Variants in SLC25A21 observed in about 807,000 individuals in gnomAD.
The protein encoded by SLC25A21 is solute carrier family 25 member 21.
Under a neutral mutation model 43.8 loss-of-function variants are expected in SLC25A21, and 47 were observed. The ratio of observed to expected loss-of-function variants is 1.07; its 90% confidence interval spans 0.85 to 1.37. The LOEUF is 1.37. SLC25A21 is among the 40% of genes most tolerant of loss of function. The pLI is 0.00. For synonymous variants in SLC25A21, 131 were observed against 121.3 expected (o/e 1.08, Z -0.52); for missense variants, 352 against 350.2 (o/e 1.00, Z -0.04).
At chr14:37,104,214 TGCCCTTATAACAGGG>T (rs1378184951) in intron 1 of SLC25A21, among the ~76,000 whole-genome samples, 1 of 152,200 alleles carries the variant, frequency 6.6e-6, no homozygotes, top group Non-Finnish European at 1.5e-5. Flanking sequence ...GAGGTATTAG[TGCCCTTATAACAGGG>T]GCTCAAGGGA....
At chr14:36,990,825 G>T (rs1203718664) in intron 1 of SLC25A21, among the ~76,000 whole-genome samples, 7 of 151,832 alleles carry the variant, frequency 4.6e-5, no homozygotes, top group Admixed American at 2.6e-4. Context: ...AGGTTGCAGT[G>T]AGCCATGTTT....
intron 1 of SLC25A21, among the ~76,000 whole-genome samples, chr14:36,942,680 G>T (rs1421082011): frequency 6.6e-6 from 1 of 152,118 alleles, no homozygotes; most frequent in East Asian, 1.9e-4. Flanking sequence ...AAAGACTTGT[G>T]CAATTTTCTT....
At chr14:36,989,519 GTTTAAT>G (rs1018457975) in intron 1 of SLC25A21, among the ~76,000 whole-genome samples, 4 of 149,114 alleles carry the variant, frequency 2.7e-5, no homozygotes, top group Non-Finnish European at 5.9e-5. Context: ...TTTTTTTGCT[GTTTAAT>G]TTTAACTACA....
chr14:36,818,006 C>T (rs1395080175), intron 2 of SLC25A21, among the ~76,000 whole-genome samples: 2 of 152,158 alleles, frequency 1.3e-5, no homozygotes, highest in Admixed American at 6.5e-5. Flanking sequence ...ATTTATTATA[C>T]ACTCTACTAT....
At chr14:36,710,696 C>T (rs554498987) in intron 7 of SLC25A21, among the ~76,000 whole-genome samples, 1 of 152,258 alleles carries the variant, frequency 6.6e-6, no homozygotes, top group East Asian at 1.9e-4. Flanking sequence ...TCTCAAAGTG[C>T]TGGGGTTACA....
chr14:37,045,258 G>A (rs1961563379), intron 1 of SLC25A21, among the ~76,000 whole-genome samples: 1 of 152,196 alleles, frequency 6.6e-6, no homozygotes, highest in Non-Finnish European at 1.5e-5. Context: ...AGTTTGTGGT[G>A]TAATACAGTA....
chr14:36,967,396 A>G (rs1245673126), intron 1 of SLC25A21, among the ~76,000 whole-genome samples: 3 of 152,216 alleles, frequency 2.0e-5, no homozygotes, highest in African/African-American at 4.8e-5. Context: ...TCTACTAACC[A>G]TACATGAGCA....
intron 6 of SLC25A21, among the ~76,000 whole-genome samples, chr14:36,714,258 G>C (rs1174118879): frequency 6.6e-6 from 1 of 152,216 alleles, no homozygotes; most frequent in Non-Finnish European, 1.5e-5. Context: ...GGGAGAGAAA[G>C]CTTCTTTTTT....
chr14:36,849,683 G>A (rs1594638872), intron 2 of SLC25A21, among the ~76,000 whole-genome samples: 1 of 152,084 alleles, frequency 6.6e-6, no homozygotes, highest in East Asian at 1.9e-4. Context: ...AAAGCTTGAA[G>A]CTGTGCCAAT....
chr14:36,813,420 C>T (rs712341), intron 3 of SLC25A21, among the ~76,000 whole-genome samples: 103,786 of 151,548 alleles, frequency 0.68, 36,973 homozygotes, highest in East Asian at 1. Context: ...AGTGCAGTGG[C>T]GCAATCCTAA....
At chr14:36,897,011 T>C (rs1320490051) in intron 1 of SLC25A21, among the ~76,000 whole-genome samples, 3 of 152,202 alleles carry the variant, frequency 2.0e-5, no homozygotes, top group African/African-American at 7.2e-5. Flanking sequence ...CTGACAATTA[T>C]GTGTCTTGGA....
At chr14:37,016,198 C>T (rs1175413972) in intron 1 of SLC25A21, among the ~76,000 whole-genome samples, 2 of 152,040 alleles carry the variant, frequency 1.3e-5, no homozygotes, top group Non-Finnish European at 2.9e-5. Context: ...AGTCTTTAAT[C>T]CATCTTGAAT....
chr14:37,017,445 A>G (rs1960882223), intron 1 of SLC25A21, among the ~76,000 whole-genome samples: 1 of 152,120 alleles, frequency 6.6e-6, no homozygotes, highest in African/African-American at 2.4e-5. Context: ...ACCAAATACA[A>G]TAGTAACATC....
intron 1 of SLC25A21, among the ~76,000 whole-genome samples, chr14:37,082,906 CTAAG>C (rs1231290323): frequency 6.6e-6 from 1 of 152,206 alleles, no homozygotes; most frequent in African/African-American, 2.4e-5. Flanking sequence ...GTAAAGCAAA[CTAAG>C]TAAACCTAAT....
intron 1 of SLC25A21, among the ~76,000 whole-genome samples, chr14:37,087,569 T>C (rs1400396936): frequency 6.6e-6 from 1 of 152,176 alleles, no homozygotes; most frequent in Non-Finnish European, 1.5e-5. Flanking sequence ...CATAAGTAGA[T>C]GCTATTTATT....
intron 1 of SLC25A21, among the ~76,000 whole-genome samples, chr14:37,067,562 G>A (rs1269276961): frequency 6.6e-6 from 1 of 152,084 alleles, no homozygotes; most frequent in African/African-American, 2.4e-5. Flanking sequence ...CAAGCGGAAG[G>A]AAAGTGATCC....
Position 36,683,844 on chromosome 14 carries a change from A to C in SLC25A21, c.822T>G (p.Ile274Met). ...LALYKGLLPK[I>M]MRLGPGGAVM... The stretch of plus-strand genomic sequence containing the variant: ...TATCATTACCTGGTCCAAGTCTCAT[A>C]ATCTTGGGAAGCAGGCCTTTGTACA... The change falls in exon 9 of 10, where the codon ATT (isoleucine) becomes ATG (methionine). Residue 274 changes from isoleucine to methionine, a missense_variant. Physicochemically the swap from Ile to Met is conservative, Grantham distance 10. Transcript: ENST00000331299. The C allele has an allele frequency of 1.2e-6, 2 of 1,605,688 alleles. No homozygotes were observed. Among genetic ancestry groups the C allele is most frequent in the Non-Finnish European group, 1.7e-6 (2 of 1,175,046 alleles).
At chr14:36,934,636 T>C (rs1892373386) in intron 1 of SLC25A21, among the ~76,000 whole-genome samples, 3 of 151,966 alleles carry the variant, frequency 2.0e-5, no homozygotes, top group South Asian at 4.2e-4. Context: ...AAGAAAGTGG[T>C]AGGATTCTGC....
intron 1 of SLC25A21, among the ~76,000 whole-genome samples, chr14:36,885,655 T>G (rs556047113): frequency 1.3e-5 from 2 of 152,324 alleles, no homozygotes; most frequent in South Asian, 4.1e-4. Context: ...AGGAAGTAAG[T>G]GTACTGATAA....
Sources: allele counts gnomAD v4.1 joint callset (sites outside exome capture counted in the v4.1 genomes callset), GRCh38; gene constraint gnomAD v4.1.1; transcripts MANE v1.5; gene names NCBI Gene and HGNC (gene_info 2026-07-23, HGNC 2026-07-21).